Variants in SOD2 observed in about 807,000 individuals in gnomAD.
The protein encoded by SOD2 is superoxide dismutase 2.
In SOD2, 11 loss-of-function variants were observed where a neutral mutation model predicts 27.0. The observed-to-expected ratio is 0.41, with a 90% CI of 0.26 to 0.67. SOD2 has a LOEUF of 0.67. SOD2 is among the 30% of genes least tolerant of loss of function. The probability of loss-of-function intolerance (pLI) is 0.34; values close to 1 mark genes in which losing one functional copy is unlikely to be tolerated. For missense variants in SOD2, 250 were observed against 274.5 expected (o/e 0.91, Z 0.63); for synonymous variants, 105 against 103.0 (o/e 1.02, Z -0.12).
At chr6:159,685,670 CCCCG>C (rs112590482) in intron 3 of SOD2, among the ~76,000 whole-genome samples, 6,770 of 117,780 alleles carry the variant, frequency 0.057, 398 homozygotes, top group African/African-American at 0.16. Context: ...AGTTTTCACC[CCCCG>C]TCCCCTTCTT....
upstream of SOD2, among the ~76,000 whole-genome samples, chr6:159,694,584 A>AT (rs1265717886): frequency 1.3e-5 from 2 of 152,044 alleles, no homozygotes; most frequent in Non-Finnish European, 1.5e-5. Flanking sequence ...AGATACTCTT[A>AT]TTTTTTTAAT....
chr6:159,703,569 A>T (rs1777565858), intron 1 of SOD2, among the ~76,000 whole-genome samples: 1 of 151,818 alleles, frequency 6.6e-6, no homozygotes, highest in Non-Finnish European at 1.5e-5. Flanking sequence ...CCCATATGTT[A>T]AAAAAAAGTA....
At chr6:159,737,846 G>T (rs1394179914) in intron 1 of SOD2, among the ~76,000 whole-genome samples, 3 of 152,210 alleles carry the variant, frequency 2.0e-5, no homozygotes, top group Admixed American at 2.0e-4. Context: ...TTTATTTGGT[G>T]TAGTGAATAT....
At chr6:159,704,818 G>T (rs1459304449) in intron 1 of SOD2, among the ~76,000 whole-genome samples, 1 of 152,210 alleles carries the variant, frequency 6.6e-6, no homozygotes, top group Non-Finnish European at 1.5e-5. Flanking sequence ...ACAACAGACA[G>T]ACCACGTCCT....
intron 1 of SOD2, among the ~76,000 whole-genome samples, chr6:159,720,738 T>G (rs1238253802): frequency 6.6e-6 from 1 of 152,152 alleles, no homozygotes; most frequent in African/African-American, 2.4e-5. Flanking sequence ...CTTTCTCTTG[T>G]ATTCTCTGTA....
chr6:159,757,609 C>G (rs1040190722), intron 1 of SOD2, among the ~76,000 whole-genome samples: 1 of 152,026 alleles, frequency 6.6e-6, no homozygotes, highest in Non-Finnish European at 1.5e-5. Flanking sequence ...GATGAGGTTT[C>G]ACTGTGTTGG....
rs575701521 is a variant in SOD2, at chr6:159,670,426, C to T, written c.*12067G>A. On this transcript the variant is annotated 3_prime_UTR_variant, in exon 5 of 5. Coordinates refer to ENST00000538183, the MANE Select transcript of SOD2 (RefSeq NM_000636.4). ...TCCTCCAGGCATCCACTCTGAGCCC[C>T]AGTGAAGAATGGTGGCAGCTGTAAG... The T allele has an allele frequency of 2.0e-5, 3 of 152,268 alleles. No individual in the cohort carries two copies. Among genetic ancestry groups the T allele is most frequent in the Admixed American group, 2.0e-4 (3 of 15,290 alleles). The allele number at this position is 152,268 out of a possible 1,614,324, so 9.4% of individuals were successfully genotyped here. A position where few individuals can be genotyped will look rare whatever the true frequency, so the allele number is the denominator to read the frequency against.
intron 1 of SOD2, among the ~76,000 whole-genome samples, chr6:159,758,308 T>G (rs1359180222): frequency 1.3e-5 from 2 of 151,774 alleles, no homozygotes; most frequent in Non-Finnish European, 2.9e-5. Flanking sequence ...TTCCTCACTG[T>G]TTTTGGAGGC....
chr6:159,705,955 C>T lies in SOD2; in HGVS notation c.-115-13092G>A, dbSNP rs544802704. On this transcript the variant is annotated intron_variant, in intron 1 of 2. Transcript: ENST00000401980. ...TCTACAAGCCAGAAGAGAGTGGGGGCCAATATTCAACGTTTTTAAAGAAAA... is the reference window on the plus strand; with the variant it reads ...TCTACAAGCCAGAAGAGAGTGGGGGTCAATATTCAACGTTTTTAAAGAAAA... Among the ~76,000 whole-genome samples, 997 of 152,246 alleles carry T rather than the reference C, an allele frequency of 6.5e-3. 5 individuals are homozygous for T. The highest frequency in any genetic ancestry group is 0.011 in the Non-Finnish European group (727 of 68,032).
At chr6:159,685,522 G>A (rs983242172) in intron 3 of SOD2, among the ~76,000 whole-genome samples, 2 of 152,106 alleles carry the variant, frequency 1.3e-5, no homozygotes, top group South Asian at 2.1e-4. Context: ...GAATACAGGC[G>A]TGAGCCACCG....
chr6:159,737,290 A>G (rs1778979427), intron 1 of SOD2, among the ~76,000 whole-genome samples: 1 of 152,126 alleles, frequency 6.6e-6, no homozygotes, highest in Non-Finnish European at 1.5e-5. Flanking sequence ...CTCAAGAGAT[A>G]GCCACCTGCC....
chr6:159,723,556 A>G (rs1333709417), intron 1 of SOD2, among the ~76,000 whole-genome samples: 1 of 152,232 alleles, frequency 6.6e-6, no homozygotes, highest in Non-Finnish European at 1.5e-5. Flanking sequence ...AATGGAATTT[A>G]GAAACCAAGA....
intron 1 of SOD2, among the ~76,000 whole-genome samples, chr6:159,735,936 C>T (rs560612985): frequency 1.3e-5 from 2 of 152,184 alleles, no homozygotes; most frequent in Admixed American, 6.5e-5. Flanking sequence ...TTATATTTCT[C>T]TTCACCCTTT....
chr6:159,748,721 G>A, upstream of SOD2: 14 of 1,246,186 alleles, frequency 1.1e-5, no homozygotes, highest in Non-Finnish European at 1.4e-5. The surrounding 1 kb of genome is among the most constrained non-coding windows in gnomAD (Gnocchi z 5.6). Flanking sequence ...TTAAGTCTGT[G>A]GCACACTGTG....
At chr6:159,736,607 C>T (rs907774132) in intron 1 of SOD2, 4 of 228,776 alleles carry the variant, frequency 1.7e-5, no homozygotes, top group African/African-American at 6.8e-5. Flanking sequence ...GTAAATATTT[C>T]CAGGTACATA....
upstream of SOD2, among the ~76,000 whole-genome samples, chr6:159,730,670 G>A (rs1026245253): frequency 4.7e-4 from 71 of 152,340 alleles, no homozygotes; most frequent in Non-Finnish European, 1.8e-4. Context: ...TAAAGTTGAG[G>A]AAGGATTTTC....
At chr6:159,712,590 GCCTCCACAACGACCACTCAGCTGCTCTGA>G (rs1777840540) in intron 1 of SOD2, among the ~76,000 whole-genome samples, 1 of 99,766 alleles carries the variant, frequency 1.0e-5, no homozygotes, top group South Asian at 3.4e-4. Flanking sequence ...CACCCTAACC[GCCTCCACAACGACCACTCAGCTGCTCTGA>G]CCTCCATAAC....
exon 1 of SOD2, chr6:159,762,106 C>A (rs770247304): frequency 1.2e-6 from 2 of 1,613,180 alleles, no homozygotes; most frequent in Non-Finnish European, 1.7e-6. Context: ...AGGCTCAGAT[C>A]CTGTGGTCAT....
At chr6:159,696,616 G>A (rs549520635), upstream of SOD2, among the ~76,000 whole-genome samples, 1 of 152,212 alleles carries the variant, frequency 6.6e-6, no homozygotes, top group East Asian at 1.9e-4. Flanking sequence ...CACCATGCCT[G>A]GCCCCACTAT....
Sources: gnomAD v4.1 joint callset for allele counts (sites outside exome capture counted in the v4.1 genomes callset) on GRCh38, gnomAD v4.1.1 for gene constraint, Gnocchi (gnomAD v3.1) non-coding constraint, MANE v1.5 for transcripts, NCBI Gene and HGNC (gene_info 2026-07-23, HGNC 2026-07-21) for gene names.